Variants in MCPH1 observed in about 807,000 individuals in gnomAD.
MCPH1 encodes microcephalin.
A neutral mutation model predicts 84.5 loss-of-function variants in MCPH1; 104 were observed. The ratio of observed to expected loss-of-function variants is 1.23; its 90% CI spans 1.05 to 1.45. MCPH1 has a LOEUF of 1.45. Among genes scored for constraint, MCPH1 ranks in the 40% most tolerant of loss-of-function variants. The pLI, the probability that MCPH1 is intolerant of heterozygous loss-of-function variation, is 0.00. For synonymous variants in MCPH1, 514 were observed against 366.8 expected (o/e 1.40, Z -4.58); for missense variants, 1,498 against 1,005.7 (o/e 1.49, Z -6.62).
chr8:6,485,713 G>C (rs1437429273), intron 11 of MCPH1, among the ~76,000 whole-genome samples: 1 of 152,118 alleles, frequency 6.6e-6, no homozygotes, highest in African/African-American at 2.4e-5. Flanking sequence ...CGAAGGCTCA[G>C]GTGGCCTATG....
intron 12 of MCPH1, among the ~76,000 whole-genome samples, chr8:6,541,376 G>C (rs901016829): frequency 1.3e-5 from 2 of 152,170 alleles, no homozygotes; most frequent in Non-Finnish European, 2.9e-5. Flanking sequence ...AGGGGAGCTT[G>C]TATTTATAGC....
intron 12 of MCPH1, among the ~76,000 whole-genome samples, chr8:6,525,130 A>AT (rs1274020375): frequency 6.6e-6 from 1 of 152,264 alleles, no homozygotes; most frequent in African/African-American, 2.4e-5. Flanking sequence ...TGCAAACAAT[A>AT]TTAACCAGCC....
At chr8:6,565,453 T>G (rs1826073965) in intron 12 of MCPH1, among the ~76,000 whole-genome samples, 1 of 152,114 alleles carries the variant, frequency 6.6e-6, no homozygotes. Context: ...AGAGACGGGG[T>G]CTCACTCTTG....
intron 9 of MCPH1, among the ~76,000 whole-genome samples, chr8:6,465,979 G>A (rs901210354): frequency 8.0e-6 from 1 of 124,462 alleles, no homozygotes. Context: ...ATCCGATACA[G>A]AGCCTCGCTC....
At chr8:6,419,439 G>C (rs1327106013) in intron 3 of MCPH1, among the ~76,000 whole-genome samples, 2 of 151,606 alleles carry the variant, frequency 1.3e-5, no homozygotes, top group Non-Finnish European at 2.9e-5. Flanking sequence ...TTGCTCTGTG[G>C]CCTAGTGCAG....
At position 6,439,084 on chromosome 8, in the gene MCPH1, CT is replaced by C. The variant is rs1205842358; in HGVS notation, c.571del (p.Ser191ProfsTer7). The C allele has an allele frequency of 4.3e-6, 7 of 1,612,978 alleles. No homozygotes were observed. The African/African-American group carries it at 6.7e-5, about 15-fold the overall frequency. On this transcript the variant is annotated frameshift_variant, in exon 6 of 14. Coordinates refer to ENST00000344683, the MANE Select transcript of MCPH1 (RefSeq NM_024596.5). LOFTEE classifies it high-confidence loss of function. ...LQEMKEKRENLSPTSSQMIQQ... is the reference protein window; with the variant it reads ...LQEMKEKRENXSPTSSQMIQQ... Reference sequence around the variant, plus strand: ...AGAGATGAAGGAGAAAAGGGAAAATCTTTCCCCCACCTGTAAGTAATTAGTT... The same window carrying C: ...AGAGATGAAGGAGAAAAGGGAAAATCTTCCCCCACCTGTAAGTAATTAGTT...
chr8:6,640,463 T>C (rs962935316), intron 13 of MCPH1, among the ~76,000 whole-genome samples: 2 of 152,224 alleles, frequency 1.3e-5, no homozygotes, highest in Non-Finnish European at 2.9e-5. Context: ...AAATTATGAA[T>C]GAGTCTGAAT....
chr8:6,530,425 C>A (rs1418846029), intron 12 of MCPH1, among the ~76,000 whole-genome samples: 1 of 150,244 alleles, frequency 6.7e-6, no homozygotes, highest in East Asian at 2.0e-4. Context: ...ACGAGAATCG[C>A]TTGAACCCGG....
At chr8:6,563,044 G>T in intron 12 of MCPH1, 3 of 1,247,090 alleles carry the variant, frequency 2.4e-6, no homozygotes, top group Non-Finnish European at 3.3e-6. Context: ...GCCATGGCTG[G>T]GTCCGTCAAT....
intron 3 of MCPH1, among the ~76,000 whole-genome samples, chr8:6,425,933 GC>G (rs1458085035): frequency 1.3e-5 from 2 of 152,114 alleles, no homozygotes; most frequent in Non-Finnish European, 2.9e-5. Context: ...ATGCATCTCA[GC>G]CACCCCCCTT....
chr8:6,476,313 C>T (rs990148428), intron 9 of MCPH1, among the ~76,000 whole-genome samples: 1 of 151,366 alleles, frequency 6.6e-6, no homozygotes, highest in Non-Finnish European at 1.5e-5. Context: ...CCTGTGATCC[C>T]AGCTAGTTGG....
At chr8:6,570,800 G>GTTT (rs1463366406) in intron 12 of MCPH1, among the ~76,000 whole-genome samples, 1 of 96,384 alleles carries the variant, frequency 1.0e-5, no homozygotes, top group African/African-American at 4.0e-5. Context: ...CAGATGGATT[G>GTTT]TTGTTTTTTT....
intron 12 of MCPH1, chr8:6,618,706 A>C (rs1831107481): frequency 6.6e-6 from 1 of 152,196 alleles, no homozygotes. Context: ...TGGATTATTT[A>C]AAATTATTAT....
intron 9 of MCPH1, among the ~76,000 whole-genome samples, chr8:6,472,665 G>A (rs1269930384): frequency 1.3e-5 from 2 of 151,800 alleles, no homozygotes; most frequent in Non-Finnish European, 2.9e-5. Flanking sequence ...ATGGGGTTTC[G>A]CCATGGTGTC....
chr8:6,538,912 C>T (rs1001764592), intron 12 of MCPH1, among the ~76,000 whole-genome samples: 4 of 152,172 alleles, frequency 2.6e-5, no homozygotes, highest in Non-Finnish European at 5.9e-5. Context: ...ATTTGGGAGG[C>T]TTTTGACCTA....
chr8:6,562,426 T>C lies in MCPH1; in HGVS notation c.2215-59028T>C, dbSNP rs1038797814. Among the ~76,000 whole-genome samples, 3 of 152,138 alleles carry C rather than the reference T, an allele frequency of 2.0e-5. No individual in the cohort carries two copies. In the South Asian group the frequency reaches 6.2e-4, roughly 32 times the overall value. On this transcript the variant is annotated intron_variant, in intron 12 of 13. Coordinates refer to ENST00000344683, the MANE Select transcript of MCPH1 (RefSeq NM_024596.5). ...AGATTTTCTGTATTGACTCTGGCAT[T>C]CTTTCCAAATAATTATTTTCACCCC...
At chr8:6,409,414 AT>A (rs747332017) in intron 2 of MCPH1, 44 bp downstream of exon 2, 1 of 1,452,686 alleles carries the variant, frequency 6.9e-7, no homozygotes, top group East Asian at 2.3e-5. Flanking sequence ...CAGTCTTCTG[AT>A]TGGTAAAAAG....
intron 13 of MCPH1, among the ~76,000 whole-genome samples, chr8:6,638,369 T>G (rs1381344004): frequency 6.6e-6 from 1 of 152,142 alleles, no homozygotes; most frequent in Non-Finnish European, 1.5e-5. Flanking sequence ...CTCTTGAACT[T>G]CTGTACATTG....
intron 9 of MCPH1, chr8:6,473,734 G>A (rs1808068842): frequency 1.9e-6 from 1 of 532,434 alleles, no homozygotes. Context: ...TCCGCCTGCT[G>A]GTCCTGCAAC....
Sources: gnomAD v4.1 joint callset for allele counts (sites outside exome capture counted in the v4.1 genomes callset) on GRCh38, gnomAD v4.1.1 for gene constraint, MANE v1.5 for transcripts, NCBI Gene and HGNC (gene_info 2026-07-23, HGNC 2026-07-21) for gene names.